Variants in WDR4 observed in about 807,000 individuals in gnomAD.
WDR4 encodes the protein tRNA (guanine-N(7)-)-methyltransferase non-catalytic subunit WDR4.
WDR4 carries 47 observed loss-of-function variants against 48.6 expected under a neutral mutation model. The ratio of observed to expected loss-of-function variants is 0.97; its 90% confidence interval spans 0.77 to 1.23. WDR4 has a LOEUF of 1.23. WDR4 is among the 50% of genes most tolerant of loss of function. The probability of loss-of-function intolerance (pLI) is 0.00; values close to 1 mark genes in which losing one functional copy is unlikely to be tolerated. For synonymous variants in WDR4, 268 were observed against 230.0 expected, an observed-to-expected ratio of 1.17 and a Z score of -1.49; for missense variants, 606 against 551.6, an observed-to-expected ratio of 1.10 and a Z score of -0.99.
At chr21:42,848,141 G>A (rs938725613), downstream of WDR4, among the ~76,000 whole-genome samples, 1 of 152,304 alleles carries the variant, frequency 6.6e-6, no homozygotes, top group East Asian at 1.9e-4. Context: ...AGGATTCTGA[G>A]TACCCAGCGA....
chr21:42,850,160 CTCT>C lies in WDR4; in HGVS notation c.1125_1127del (p.Glu377del). The C allele has an allele frequency of 6.2e-7, 1 of 1,614,136 alleles. No homozygotes were observed. On this transcript the variant is annotated inframe_deletion, in exon 11 of 11. Coordinates refer to ENST00000398208, the MANE Select transcript of WDR4 (RefSeq NM_018669.6). Reference sequence around the variant, plus strand: ...TCTCTAGCTGCTGCTGCAGTCTCTCCTCTTTCTTCTTCAGGTAGGAGGTCACGT... The same window carrying C: ...TCTCTAGCTGCTGCTGCAGTCTCTCCTTCTTCTTCAGGTAGGAGGTCACGT...
intron 3 of WDR4, among the ~76,000 whole-genome samples, chr21:42,864,107 C>CAAAAAAAAAAA (rs776906461): frequency 1.6e-4 from 8 of 50,550 alleles, no homozygotes; most frequent in Non-Finnish European, 1.9e-4. Context: ...GACTCCGTCT[C>CAAAAAAAAAAA]AAAAAAAAAA....
chr21:42,863,498 A>G lies in WDR4; in HGVS notation c.395T>C (p.Leu132Pro), dbSNP rs1489560567. ...KSGDVYSFSV[L>P]EPHGCGRLEL... ...TAGACGGCCACACCCGTGTGGCTCC[A>G]GCACCGAAAAGGAGTAGACGTCTCC... is the stretch of plus-strand genomic sequence containing the variant. Residue 132 changes from leucine (L) to proline (P), a missense_variant, in exon 4 of 11, where the codon CTG (leucine) becomes CCG (proline). Leu to Pro is a moderately conservative substitution (Grantham distance 98). Transcript: ENST00000398208. The G allele has an allele frequency of 6.2e-7, 1 of 1,613,770 alleles. No homozygotes were observed. Among genetic ancestry groups the G allele is most frequent in the Non-Finnish European group, 8.5e-7 (1 of 1,179,982 alleles).
the WDR4 span, among the ~76,000 whole-genome samples, chr21:42,889,271 C>CT: frequency 1.3e-5 from 2 of 152,092 alleles, no homozygotes; most frequent in Non-Finnish European, 2.9e-5. Flanking sequence ...ACTTGAGCCA[C>CT]TGCGCCTGGC....
At chr21:42,887,858 C>T in the WDR4 span, among the ~76,000 whole-genome samples, 36 of 151,660 alleles carry the variant, frequency 2.4e-4, no homozygotes, top group African/African-American at 8.7e-4. Context: ...GCAGAGGTTG[C>T]AGTGAGTGAG....
chr21:42,856,644 C>T (rs575575715), intron 6 of WDR4, among the ~76,000 whole-genome samples: 1 of 152,148 alleles, frequency 6.6e-6, no homozygotes, highest in African/African-American at 2.4e-5. Context: ...GAGAGAGTGT[C>T]TGTGCACTAT....
chr21:42,886,144 A>G, the WDR4 span, among the ~76,000 whole-genome samples: 1 of 151,918 alleles, frequency 6.6e-6, no homozygotes, highest in African/African-American at 2.4e-5. Context: ...TTTAGTAGAG[A>G]CAGGGTTTTG....
In WDR4 at chr21:42,853,760, C is replaced by T. The variant is rs751787881; in HGVS notation, c.792-8G>A. ...ATGTAGACCACAGGAGTGCTTGCCA[C>T]GAAGAAAGAGAGCATGATTACTAGG... On this transcript the variant is annotated splice_polypyrimidine_tract_variant and splice_region_variant and intron_variant, in intron 8 of 10. Coordinates refer to ENST00000398208, the MANE Select transcript of WDR4 (RefSeq NM_018669.6). 82 of 1,548,462 alleles carry T rather than the reference C, an allele frequency of 5.3e-5. No individual in the cohort carries two copies. The highest frequency in any genetic ancestry group is 5.0e-4 in the Middle Eastern group (3 of 6,008).
Position 42,855,736 on chromosome 21 carries a change from C to G in WDR4, c.672G>C (p.Leu224=). 5 of 1,554,278 alleles carry G rather than the reference C, an allele frequency of 3.2e-6. No homozygotes were observed. Among genetic ancestry groups the G allele is most frequent in the Non-Finnish European group, 4.4e-6 (5 of 1,148,588 alleles). The change falls in exon 7 of 11, where the codon CTG becomes CTC. Residue 224 remains leucine, a synonymous_variant. Transcript: ENST00000398208. ...RLWEYRSGRQ[L]HCCHLASLQE... is the part of the protein sequence containing the mutation. ...GCAGACTGGCCAGGTGACAGCAGTGCAGCTGGCGGCCGCTCCTGTACTCCC... is the reference window on the plus strand; with the variant it reads ...GCAGACTGGCCAGGTGACAGCAGTGGAGCTGGCGGCCGCTCCTGTACTCCC...
intron 1 of WDR4, among the ~76,000 whole-genome samples, chr21:42,877,596 TAAC>T (rs1263709572): frequency 1.3e-5 from 2 of 152,242 alleles, no homozygotes; most frequent in East Asian, 1.9e-4. Flanking sequence ...AGGGAACAGT[TAAC>T]AAACTTTATT....
At chr21:42,881,716 C>A (rs1405704820), upstream of WDR4, among the ~76,000 whole-genome samples, 2 of 152,228 alleles carry the variant, frequency 1.3e-5, no homozygotes, top group African/African-American at 2.4e-5. Flanking sequence ...TACAGTAGCA[C>A]CTACTGCTAG....
At chr21:42,886,399 AT>A in the WDR4 span, among the ~76,000 whole-genome samples, 2 of 149,636 alleles carry the variant, frequency 1.3e-5, no homozygotes, top group Non-Finnish European at 3.0e-5. Flanking sequence ...TAGCAAAAAA[AT>A]AGGCGATTTT....
chr21:42,847,256 G>A (rs754124585), downstream of WDR4, among the ~76,000 whole-genome samples: 28 of 152,338 alleles, frequency 1.8e-4, no homozygotes, highest in Admixed American at 3.3e-4. Flanking sequence ...GGACGGGAAG[G>A]TGGTGGGTGC....
At chr21:42,846,320 G>C (rs1157252602), downstream of WDR4, among the ~76,000 whole-genome samples, 1 of 152,206 alleles carries the variant, frequency 6.6e-6, no homozygotes, top group Non-Finnish European at 1.5e-5. Flanking sequence ...CAAGGTGGAT[G>C]AGCCTCACAG....
chr21:42,866,911 T>C (rs531873821), intron 3 of WDR4, among the ~76,000 whole-genome samples: 1 of 152,202 alleles, frequency 6.6e-6, no homozygotes, highest in South Asian at 2.1e-4. Flanking sequence ...GTCCTGCAGT[T>C]CAACTAGAGA....
chr21:42,850,976 A>G (rs1009847339), intron 10 of WDR4, among the ~76,000 whole-genome samples: 44 of 152,218 alleles, frequency 2.9e-4, no homozygotes, highest in African/African-American at 9.6e-4. Context: ...CAGGTGGCGC[A>G]GCCTCCCCGC....
At chr21:42,866,309 C>T (rs2058244789) in intron 3 of WDR4, among the ~76,000 whole-genome samples, 1 of 152,178 alleles carries the variant, frequency 6.6e-6, no homozygotes, top group Non-Finnish European at 1.5e-5. Context: ...TCCATCTTGG[C>T]TACGCCTCAA....
At chr21:42,881,654 C>G (rs185629215), upstream of WDR4, among the ~76,000 whole-genome samples, 3 of 152,258 alleles carry the variant, frequency 2.0e-5, no homozygotes, top group Admixed American at 2.0e-4. Context: ...TGTTCACTAC[C>G]AGTTTCCCCA....
In WDR4 at chr21:42,853,829, G is replaced by A. The variant is rs546041579; in HGVS notation, c.792-77C>T. The A allele has an allele frequency of 1.8e-4, 263 of 1,449,280 alleles. No individual in the cohort carries two copies. The African/African-American group carries it at 3.2e-3, about 17-fold the overall frequency. 89.8% of individuals were successfully genotyped at this position (1,449,280 alleles called of 1,614,324 possible). On this transcript the variant is annotated intron_variant, in intron 8 of 10. Coordinates refer to ENST00000398208, the MANE Select transcript of WDR4 (RefSeq NM_018669.6). ...CCGCTCTGCAGCCAGCACCCCAGAC[G>A]GTGCAGCCCTCGCCGGTGCCACCTC...
Sources: gnomAD v4.1 joint callset for allele counts (sites outside exome capture counted in the v4.1 genomes callset) on GRCh38, gnomAD v4.1.1 for gene constraint, MANE v1.5 for transcripts, NCBI Gene and HGNC (gene_info 2026-07-23, HGNC 2026-07-21) for gene names.